The following SERPINB5 variants were observed in gnomAD, a reference collection of about 807,000 sequenced individuals.
SERPINB5 encodes the protein serpin family B member 5, also known as serpin B5.
A neutral mutation model predicts 32.2 loss-of-function variants in SERPINB5; 27 were observed. That is an observed-to-expected ratio of 0.84 (90% confidence interval 0.62 to 1.16). The LOEUF (loss-of-function observed/expected upper bound fraction) is 1.16, where lower values mean the gene tolerates loss of function less well. Ranked by LOEUF, SERPINB5 falls within the 50% of genes most tolerant of loss-of-function variation. The pLI, the probability that SERPINB5 is intolerant of heterozygous loss-of-function variation, is 0.00. For missense variants in SERPINB5, 388 were observed against 436.3 expected (o/e 0.89, Z 0.99); for synonymous variants, 154 against 157.4 (o/e 0.98, Z 0.16).
intron 1 of SERPINB5, among the ~76,000 whole-genome samples, chr18:63,477,496 T>TAA (rs1917054360): frequency 6.6e-6 from 1 of 152,198 alleles, no homozygotes; most frequent in African/African-American, 2.4e-5. Context: ...TGGCTGGCTC[T>TAA]TCTCCCTGGC....
chr18:63,499,355 C>T lies in SERPINB5; in HGVS notation c.735+68C>T, dbSNP rs111546500. 1.7e-5 allele frequency: 23 copies of T among 1,352,520 alleles called. No individual in the cohort carries two copies. In the African/African-American group the frequency reaches 2.8e-4, roughly 17 times the overall value. The allele number at this position is 1,352,520 out of a possible 1,614,324, so 83.8% of individuals were successfully genotyped here. A position where few individuals can be genotyped will look rare whatever the true frequency, so the allele number is the denominator to read the frequency against. On this transcript the variant is annotated intron_variant, in intron 6 of 6. Coordinates refer to ENST00000382771, the MANE Select transcript of SERPINB5 (RefSeq NM_002639.5). ...TTGGCAAAGAGTTGTGCCAACAGGT[C>T]TGTGTGGGCCGTGAGAGCTGGGCCG...
rs1286993786 is a variant in SERPINB5 at position 63,498,961 on chromosome 18, G to GTA, written c.568-150_568-149dup. On this transcript the variant is annotated intron_variant, in intron 5 of 6. Transcript: ENST00000382771. This position sits in a 1 kb window ranked among gnomAD's most constrained non-coding sequence, Gnocchi z 4.2. ...TGTATGTATATATGTATGTGTATCT[G>GTA]TATATATATAGGTGTAGGTATATAT... Among the ~76,000 whole-genome samples, 1 of 149,572 alleles carries GTA rather than the reference G, an allele frequency of 6.7e-6. No homozygotes were observed. Among genetic ancestry groups the GTA allele is most frequent in the African/African-American group, 2.5e-5 (1 of 40,712 alleles).
At chr18:63,494,677 G>T (rs1271138595) in intron 5 of SERPINB5, among the ~76,000 whole-genome samples, 1 of 152,188 alleles carries the variant, frequency 6.6e-6, no homozygotes, top group African/African-American at 2.4e-5. Context: ...TACAATCTAT[G>T]CCTGGGTTAG....
intron 1 of SERPINB5, among the ~76,000 whole-genome samples, chr18:63,478,729 C>A (rs540544326): frequency 6.6e-6 from 1 of 150,730 alleles, no homozygotes; most frequent in East Asian, 1.9e-4. Context: ...TAAATGATAT[C>A]TACGATACTC....
rs1313059380 is a variant in SERPINB5 at position 63,504,236 on chromosome 18, G to A, written c.*514G>A. ...CTACTATAGGTCCAGAAGTCCTTAT[G>A]TTAAGCCCTGGCAGGCAGGTGTTTA... On this transcript the variant is annotated 3_prime_UTR_variant, in exon 7 of 7. Transcript: ENST00000382771. The A allele has an allele frequency of 6.5e-6, 1 of 154,046 alleles. No homozygotes were observed. The highest frequency in any genetic ancestry group is 2.4e-5 in the African/African-American group (1 of 41,450). 9.5% of individuals were successfully genotyped at this position (154,046 alleles called of 1,614,324 possible).
chr18:63,489,185 A>C (rs1020140477), intron 3 of SERPINB5, among the ~76,000 whole-genome samples, 162 bp from the exon 4 acceptor site: 1 of 152,240 alleles, frequency 6.6e-6, no homozygotes, highest in African/African-American at 2.4e-5. Context: ...TTCAATACAA[A>C]GAAATTCACT....
chr18:63,503,709 T>A lies in SERPINB5; in HGVS notation c.1115T>A (p.Phe372Tyr). 6.2e-7 allele frequency: 1 copy of A among 1,614,168 alleles called. No individual in the cohort carries two copies. The highest frequency in any genetic ancestry group is 8.5e-7 in the Non-Finnish European group (1 of 1,180,014). The change falls in exon 7 of 7, where the codon TTC becomes TAC. Residue 372 changes from phenylalanine to tyrosine, a missense_variant. Phe to Tyr is a conservative substitution (Grantham distance 22). Coordinates refer to ENST00000382771, the MANE Select transcript of SERPINB5 (RefSeq NM_002639.5). ...CGAAACATTATTTTCTTTGGCAAAT[T>A]CTGTTCTCCTTAAGTGGCATAGCCC... ...KTRNIIFFGK[F>Y]CSP is the part of the protein sequence containing the mutation.
intron 4 of SERPINB5, chr18:63,490,502 G>A (rs1170310179): frequency 6.6e-6 from 1 of 152,158 alleles, no homozygotes; most frequent in African/African-American, 2.4e-5. Flanking sequence ...TGGGAGGCCG[G>A]GCCGAATCTA....
At chr18:63,493,861 A>AAAACAAACAAACAAAC (rs58878863) in intron 5 of SERPINB5, among the ~76,000 whole-genome samples, 13 of 151,132 alleles carry the variant, frequency 8.6e-5, no homozygotes, top group African/African-American at 3.2e-4. Flanking sequence ...CACCTCAAGA[A>AAAACAAACAAACAAAC]AAACAAACAA....
At chr18:63,491,537 C>T (rs532315861) in intron 4 of SERPINB5, among the ~76,000 whole-genome samples, 7 of 150,786 alleles carry the variant, frequency 4.6e-5, no homozygotes, top group Admixed American at 1.3e-4. Context: ...TGCAGCGGCA[C>T]GATCTTGGCT....
At chr18:63,501,116 C>A (rs1909562998) in intron 6 of SERPINB5, among the ~76,000 whole-genome samples, 1 of 151,782 alleles carries the variant, frequency 6.6e-6, no homozygotes, top group Admixed American at 6.6e-5. Context: ...CATGTATATA[C>A]ATGTGCCATG....
chr18:63,491,409 A>ACCCCC lies in SERPINB5; in HGVS notation c.425-1544_425-1543insCCCCC, dbSNP rs1413026726. The stretch of plus-strand genomic sequence containing the variant: ...AAGAGAGAAACTGCGTCTCCCAAAA[A>ACCCCC]AAAAAAAAAAAAAAAAAAAGAATAA... On this transcript the variant is annotated intron_variant, in intron 4 of 6. Transcript: ENST00000382771. 3.2e-3 allele frequency among the ~76,000 whole-genome samples: 446 copies of ACCCCC among 140,640 alleles called. 2 individuals carry two copies. Among genetic ancestry groups the ACCCCC allele is most frequent in the Non-Finnish European group, 4.8e-3 (318 of 65,602 alleles). The allele number at this position is 140,640 out of a possible 152,430, so 92.3% of individuals were successfully genotyped here.
In SERPINB5 at chr18:63,492,933, T is replaced by A; in HGVS notation, c.425-20T>A. 11 of 1,602,248 alleles carry A rather than the reference T, an allele frequency of 6.9e-6. No individual in the cohort carries two copies. Among genetic ancestry groups the A allele is most frequent in the Non-Finnish European group, 9.4e-6 (11 of 1,173,594 alleles). On this transcript the variant is annotated intron_variant, in intron 4 of 6. Transcript: ENST00000382771. ...TGGAAGAATAATTCTGCTACTTGTG[T>A]TTTCCTAAAATTGTTGCAGGCCACT...
chr18:63,492,308 C>A (rs1438919562), intron 4 of SERPINB5, among the ~76,000 whole-genome samples: 1 of 152,172 alleles, frequency 6.6e-6, no homozygotes, highest in African/African-American at 2.4e-5. Flanking sequence ...GGATGGAGAG[C>A]TGTGGGGTGA....
intron 3 of SERPINB5, among the ~76,000 whole-genome samples, chr18:63,488,448 G>A (rs1396474276): frequency 6.6e-6 from 1 of 152,142 alleles, no homozygotes; most frequent in Non-Finnish European, 1.5e-5. Flanking sequence ...TGTTGCCCAG[G>A]CTGGGGTGCA....
chr18:63,489,033 C>T (rs1467562799), intron 3 of SERPINB5, among the ~76,000 whole-genome samples: 1 of 151,978 alleles, frequency 6.6e-6, no homozygotes, highest in East Asian at 1.9e-4. Flanking sequence ...TATCTGTAGA[C>T]ATACAAAATT....
intron 4 of SERPINB5, among the ~76,000 whole-genome samples, chr18:63,492,697 A>G (rs953359685): frequency 1.3e-5 from 2 of 152,226 alleles, no homozygotes; most frequent in Non-Finnish European, 2.9e-5. Flanking sequence ...TCAGAATGGT[A>G]GCTGTGCTTT....
intron 5 of SERPINB5, chr18:63,496,910 T>G (rs1909458563): frequency 3.0e-6 from 1 of 336,886 alleles, no homozygotes; most frequent in South Asian, 2.4e-5. Flanking sequence ...ATAAAAGACC[T>G]GAACGATCAG....
Position 63,504,044 on chromosome 18 carries a change from T to C in SERPINB5, c.*322T>C, listed in dbSNP as rs148559989. The C allele has an allele frequency of 8.6e-4, 244 of 285,054 alleles. No homozygotes were observed. Among genetic ancestry groups the C allele is most frequent in the African/African-American group, 5.0e-3 (222 of 44,060 alleles). 17.7% of individuals were successfully genotyped at this position (285,054 alleles called of 1,614,324 possible). ...GAAATACAGTCTTCCACAAAGAAAA[T>C]TCCTATAAGGAAGATTTGGAAGCTC... On this transcript the variant is annotated 3_prime_UTR_variant, in exon 7 of 7. Coordinates refer to ENST00000382771, the MANE Select transcript of SERPINB5 (RefSeq NM_002639.5).
Sources: gnomAD v4.1 joint callset for allele counts (sites outside exome capture counted in the v4.1 genomes callset) on GRCh38, gnomAD v4.1.1 for gene constraint, Gnocchi (gnomAD v3.1) non-coding constraint, MANE v1.5 for transcripts, NCBI Gene and HGNC (gene_info 2026-07-23, HGNC 2026-07-21) for gene names.